APAF1: variants seen among roughly 807,000 people sequenced by gnomAD.
APAF1 encodes apoptotic peptidase activating factor 1.
Under a neutral mutation model 152.4 loss-of-function variants are expected in APAF1, and 91 were observed. That is an observed-to-expected ratio of 0.60 (90% CI 0.50 to 0.71). The LOEUF (loss-of-function observed/expected upper bound fraction) is 0.71. Among genes scored for constraint, APAF1 ranks in the 30% least tolerant of loss-of-function variants. The pLI, the probability that APAF1 is intolerant of heterozygous loss-of-function variation, is 0.00. For synonymous variants in APAF1, 484 were observed against 494.1 expected (o/e 0.98, Z 0.27); for missense variants, 1,283 against 1,472.0 (o/e 0.87, Z 2.10).
chr12:98,649,375 T>C, intron 3 of APAF1, 112 bp from the exon 4 acceptor site: 11 of 1,389,826 alleles, frequency 7.9e-6, no homozygotes, highest in Non-Finnish European at 1.1e-5. Context: ...TCTTAACTTC[T>C]CTTGGAAATT....
chr12:98,720,677 A>T (rs1239344836), intron 22 of APAF1, among the ~76,000 whole-genome samples: 2 of 152,218 alleles, frequency 1.3e-5, no homozygotes, highest in African/African-American at 4.8e-5. Flanking sequence ...TGGTATGAAA[A>T]GTTTCCAGCC....
chr12:98,728,950 C>T (rs759450443), intron 26 of APAF1, among the ~76,000 whole-genome samples: 7 of 152,116 alleles, frequency 4.6e-5, no homozygotes, highest in Non-Finnish European at 8.8e-5. Flanking sequence ...TGTTGAATGT[C>T]CAGTGTGTGC....
intron 11 of APAF1, 87 bp downstream of exon 11, chr12:98,671,173 CAGAAT>C: frequency 2.3e-6 from 2 of 884,576 alleles, no homozygotes; most frequent in Non-Finnish European, 3.7e-6. Context: ...TGGGAATGAG[CAGAAT>C]AGAAGGGGTG....
intron 7 of APAF1, among the ~76,000 whole-genome samples, chr12:98,665,278 A>ATATATATATATATTTT (rs1491316422): frequency 6.1e-5 from 4 of 66,014 alleles, no homozygotes; most frequent in Admixed American, 5.8e-4. Flanking sequence ...ATATATATAT[A>ATATATATATATATTTT]TTTTTTTTTT....
chr12:98,702,191 G>A (rs146524415), intron 17 of APAF1, among the ~76,000 whole-genome samples: 12,665 of 151,822 alleles, frequency 0.083, 709 homozygotes, highest in East Asian at 0.25. Context: ...TCAGCCTCCC[G>A]AGTAGCTGGG....
intron 17 of APAF1, among the ~76,000 whole-genome samples, chr12:98,701,925 C>T (rs948334790): frequency 4.6e-5 from 7 of 152,210 alleles, no homozygotes; most frequent in Non-Finnish European, 7.3e-5. Flanking sequence ...CAAGTTTCCT[C>T]GATCACTGTC....
chr12:98,672,891 AT>A (rs1406771235), intron 12 of APAF1, among the ~76,000 whole-genome samples: 3 of 151,774 alleles, frequency 2.0e-5, no homozygotes, highest in Non-Finnish European at 4.4e-5. Flanking sequence ...AGTAGCTGGA[AT>A]TACAGGCATA....
At chr12:98,657,331 A>G (rs2097659076) in intron 4 of APAF1, among the ~76,000 whole-genome samples, 2 of 152,202 alleles carry the variant, frequency 1.3e-5, no homozygotes, top group African/African-American at 4.8e-5. Flanking sequence ...GTTGCTTCTT[A>G]GCACATACTC....
chr12:98,702,031 C>A (rs899038059), intron 17 of APAF1, among the ~76,000 whole-genome samples: 10 of 152,146 alleles, frequency 6.6e-5, no homozygotes, highest in Admixed American at 2.6e-4. Context: ...CGCTGCCTAC[C>A]ATATGTGCAT....
chr12:98,647,737 T>C (rs909515448), intron 1 of APAF1, among the ~76,000 whole-genome samples: 4 of 149,734 alleles, frequency 2.7e-5, no homozygotes, highest in Non-Finnish European at 4.4e-5. Flanking sequence ...AGCAACAGTA[T>C]TATGAACATC....
intron 16 of APAF1, among the ~76,000 whole-genome samples, chr12:98,694,075 A>G (rs900213801): frequency 3.9e-5 from 6 of 152,214 alleles, no homozygotes; most frequent in African/African-American, 1.2e-4. Context: ...GGCTAGCCAT[A>G]TGCAGAAGAA....
chr12:98,677,489 C>G lies in APAF1; in HGVS notation c.1858C>G (p.His620Asp). 1 of 1,614,110 alleles carries G rather than the reference C, an allele frequency of 6.2e-7. No individual in the cohort carries two copies. Residue 620 changes from histidine to aspartate, a missense_variant, in exon 13 of 27, where the codon CAT (histidine) becomes GAT (aspartate). By Grantham distance (81) the His-to-Asp change is moderately conservative. Coordinates refer to ENST00000551964, the MANE Select transcript of APAF1 (RefSeq NM_181861.2). ...VVRPHTDAVY[H>D]ACFSEDGQRI... is the part of the protein sequence containing the mutation. ...CCGCCCCCACACAGATGCTGTTTAC[C>G]ATGCCTGCTTTTCTGAGGATGGTCA...
At chr12:98,706,639 A>T (rs1438286861) in intron 19 of APAF1, 29 bp downstream of exon 19, 1 of 1,613,034 alleles carries the variant, frequency 6.2e-7, no homozygotes, top group African/African-American at 1.3e-5. Context: ...TTCATTTTGA[A>T]CATTTCCTGA....
chr12:98,679,303 A>C (rs552458211), intron 13 of APAF1, among the ~76,000 whole-genome samples: 7 of 151,972 alleles, frequency 4.6e-5, no homozygotes, highest in Admixed American at 2.0e-4. Context: ...GAGAGGAGCT[A>C]CCCTCTCTGC....
chr12:98,724,528 C>T (rs953080775), intron 24 of APAF1, among the ~76,000 whole-genome samples: 6 of 152,140 alleles, frequency 3.9e-5, no homozygotes, highest in Non-Finnish European at 7.3e-5. Flanking sequence ...TTTGTGCATG[C>T]TGCTAACTTT....
intron 13 of APAF1, among the ~76,000 whole-genome samples, chr12:98,678,156 C>G (rs1235747610): frequency 3.3e-5 from 5 of 152,186 alleles, no homozygotes; most frequent in Non-Finnish European, 5.9e-5. Context: ...TATATGTGTA[C>G]TTTATTACTA....
intron 1 of APAF1, among the ~76,000 whole-genome samples, chr12:98,647,616 C>T (rs866346796): frequency 1.1e-4 from 16 of 151,960 alleles, no homozygotes; most frequent in East Asian, 1.9e-4. Flanking sequence ...GTGATCCACC[C>T]GCCTCGGCCT....
rs112236636 is a variant in APAF1, at chr12:98,718,896, C to T, written c.3084+3344C>T. ...CTGGAGTGAGCTATGATCATGCTACCGCACTCCAGCCTGGGCAACAGAGCA... is the reference window on the plus strand; with the variant it reads ...CTGGAGTGAGCTATGATCATGCTACTGCACTCCAGCCTGGGCAACAGAGCA... On this transcript the variant is annotated intron_variant, in intron 22 of 26. Coordinates refer to ENST00000551964, the MANE Select transcript of APAF1 (RefSeq NM_181861.2). Among the ~76,000 whole-genome samples the T allele has an allele frequency of 3.8e-3, 574 of 151,960 alleles. 3 individuals are homozygous for T. Among genetic ancestry groups the T allele is most frequent in the Admixed American group, 7.9e-3 (121 of 15,254 alleles).
At chr12:98,670,540 AC>A (rs1266196421) in intron 10 of APAF1, among the ~76,000 whole-genome samples, 2 of 151,866 alleles carry the variant, frequency 1.3e-5, no homozygotes, top group Non-Finnish European at 2.9e-5. Context: ...TTTTTTTAAA[AC>A]TTCTTTGGTC....
Sources: allele counts gnomAD v4.1 joint callset (sites outside exome capture counted in the v4.1 genomes callset), GRCh38; gene constraint gnomAD v4.1.1; transcripts MANE v1.5; gene names NCBI Gene and HGNC (gene_info 2026-07-23, HGNC 2026-07-21).